Variants in PEX14 observed in about 807,000 individuals in gnomAD.
PEX14 encodes peroxisomal membrane protein PEX14.
PEX14 carries 15 observed loss-of-function variants against 49.5 expected under a neutral mutation model. That is an observed-to-expected ratio of 0.30 (90% CI 0.20 to 0.47). PEX14 has a LOEUF of 0.47. PEX14 is among the 20% of genes least tolerant of loss of function. The pLI, the probability that PEX14 is intolerant of heterozygous loss-of-function variation, is 1.00. For synonymous variants in PEX14, 210 were observed against 212.7 expected (o/e 0.99, Z 0.11); for missense variants, 398 against 494.8 (o/e 0.80, Z 1.86).
intron 4 of PEX14, among the ~76,000 whole-genome samples, chr1:10,611,253 A>T (rs921971008): frequency 6.6e-6 from 1 of 151,530 alleles, no homozygotes; most frequent in Non-Finnish European, 1.5e-5. Flanking sequence ...ACAGAGCAAG[A>T]CTCTGTCCCC....
rs1640011348 is a variant in PEX14, at chr1:10,572,682, C to A, written c.170-26556C>A. 8.0e-5 allele frequency among the ~76,000 whole-genome samples: 2 copies of A among 24,920 alleles called. 1 individual carries two copies. Among genetic ancestry groups the A allele is most frequent in the South Asian group, 2.4e-3 (2 of 822 alleles). The allele number at this position is 24,920 out of a possible 152,430, so 16.3% of individuals were successfully genotyped here. On this transcript the variant is annotated intron_variant, in intron 3 of 8. Coordinates refer to ENST00000356607, the MANE Select transcript of PEX14 (RefSeq NM_004565.3). ...CCCGAGTAGCTGGGACTATAGGCGC[C>A]CCCCCCACCACGCCCAGCTAATTTT...
chr1:10,570,242 C>T (rs559437107), intron 3 of PEX14, among the ~76,000 whole-genome samples: 5 of 152,104 alleles, frequency 3.3e-5, no homozygotes, highest in East Asian at 3.9e-4. Flanking sequence ...CCCCACATTC[C>T]ATTCTTGTTT....
At chr1:10,518,386 A>G (rs1436334917) in intron 2 of PEX14, among the ~76,000 whole-genome samples, 2 of 152,030 alleles carry the variant, frequency 1.3e-5, no homozygotes, top group Non-Finnish European at 2.9e-5. Flanking sequence ...GCCAGGGGGA[A>G]CCTCCTCTCT....
chr1:10,617,296 C>T (rs947390438), intron 4 of PEX14, among the ~76,000 whole-genome samples: 6 of 152,038 alleles, frequency 3.9e-5, no homozygotes, highest in Admixed American at 2.6e-4. Context: ...CAGGCTCGCC[C>T]CAGCTCTTCT....
At chr1:10,618,243 G>T in intron 4 of PEX14, 89 bp from the exon 5 acceptor site, 3 of 928,208 alleles carry the variant, frequency 3.2e-6, no homozygotes, top group Non-Finnish European at 5.3e-6. Flanking sequence ...GAGGCGAGGA[G>T]ACTGTGCCAC....
At chr1:10,622,962 T>C (rs1187337469) in intron 5 of PEX14, 57 bp from the exon 6 acceptor site, 2 of 1,216,244 alleles carry the variant, frequency 1.6e-6, no homozygotes, top group Non-Finnish European at 2.4e-6. Context: ...TTTGAGAGAT[T>C]GTTGGAGGAT....
intron 3 of PEX14, among the ~76,000 whole-genome samples, chr1:10,577,554 ATATATATATTTTTT>A (rs1640173946): frequency 1.2e-4 from 1 of 8,090 alleles, no homozygotes; most frequent in African/African-American, 3.1e-4. Flanking sequence ...ATATATATAT[ATATATATATTTTTT>A]TTTTTTTTTT....
intron 3 of PEX14, among the ~76,000 whole-genome samples, chr1:10,587,372 T>C (rs777333996): frequency 6.6e-5 from 10 of 152,094 alleles, no homozygotes; most frequent in Non-Finnish European, 1.3e-4. Context: ...CGAGAATTGC[T>C]TGAACCTGGG....
intron 3 of PEX14, among the ~76,000 whole-genome samples, chr1:10,540,088 AAC>A (rs1274865176): frequency 2.0e-5 from 3 of 152,138 alleles, no homozygotes; most frequent in African/African-American, 7.2e-5. Flanking sequence ...AAACAAATAA[AAC>A]ACACCACCAT....
chr1:10,605,224 C>T (rs566001286), intron 4 of PEX14, among the ~76,000 whole-genome samples: 20 of 152,254 alleles, frequency 1.3e-4, no homozygotes, highest in Admixed American at 9.2e-4. Flanking sequence ...ATCATGTGGA[C>T]GAGCTGCCCT....
At chr1:10,491,002 T>A (rs1410116699) in intron 1 of PEX14, among the ~76,000 whole-genome samples, 6 of 151,722 alleles carry the variant, frequency 4.0e-5, no homozygotes, top group Non-Finnish European at 7.4e-5. Flanking sequence ...GCCTTGTTTT[T>A]TTTTTTTTTT....
intron 4 of PEX14, among the ~76,000 whole-genome samples, chr1:10,618,014 C>T (rs1641477366): frequency 6.6e-6 from 1 of 152,164 alleles, no homozygotes; most frequent in Admixed American, 6.5e-5. Flanking sequence ...AGGTAGAGAC[C>T]ATGCTGTTGG....
intron 2 of PEX14, among the ~76,000 whole-genome samples, chr1:10,510,471 C>A (rs970530455): frequency 2.0e-5 from 3 of 152,186 alleles, no homozygotes; most frequent in African/African-American, 7.2e-5. Context: ...TCCAGCTTAT[C>A]TACTTTGCTC....
chr1:10,620,562 C>T (rs571122912), intron 5 of PEX14, among the ~76,000 whole-genome samples: 6 of 152,062 alleles, frequency 3.9e-5, no homozygotes, highest in Admixed American at 1.3e-4. Context: ...CTGAGGTGGG[C>T]GGATCACTTG....
At chr1:10,583,658 A>G (rs1640395795) in intron 3 of PEX14, among the ~76,000 whole-genome samples, 3 of 35,826 alleles carry the variant, frequency 8.4e-5, no homozygotes, top group Admixed American at 2.7e-4. Context: ...ATAGAATAAA[A>G]TATAAACATG....
chr1:10,490,644 G>A (rs945067947), intron 1 of PEX14, among the ~76,000 whole-genome samples: 1 of 151,240 alleles, frequency 6.6e-6, no homozygotes, highest in Non-Finnish European at 1.5e-5. Context: ...GGCATGGATT[G>A]CCTTAGGTCC....
chr1:10,556,191 C>T (rs1371227443), intron 3 of PEX14, among the ~76,000 whole-genome samples: 1 of 152,130 alleles, frequency 6.6e-6, no homozygotes, highest in East Asian at 1.9e-4. Context: ...GTCCTGCCTG[C>T]CCCTTCAGCA....
intron 3 of PEX14, among the ~76,000 whole-genome samples, chr1:10,558,374 C>G (rs1428415725): frequency 4.6e-5 from 7 of 152,048 alleles, no homozygotes; most frequent in African/African-American, 9.7e-5. Flanking sequence ...CCACCCCACC[C>G]CTACCCACTG....
rs192684981 is a variant in PEX14, at chr1:10,577,827, T to G, written c.170-21411T>G. ...CGTGTTAGCCAGGATGGTCTTGATC[T>G]CCTGACCTGGTGATCTGCTATACCC... On this transcript the variant is annotated intron_variant, in intron 3 of 8. Transcript: ENST00000356607. 1.6e-3 allele frequency among the ~76,000 whole-genome samples: 248 copies of G among 151,018 alleles called. 1 individual carries two copies. Among genetic ancestry groups the G allele is most frequent in the African/African-American group, 5.8e-3 (240 of 41,116 alleles).
Sources: gnomAD v4.1 joint callset for allele counts (sites outside exome capture counted in the v4.1 genomes callset) on GRCh38, gnomAD v4.1.1 for gene constraint, MANE v1.5 for transcripts, NCBI Gene and HGNC (gene_info 2026-07-23, HGNC 2026-07-21) for gene names.